COX18: variants seen among roughly 807,000 people sequenced by gnomAD.
The protein encoded by COX18 is cytochrome c oxidase assembly protein COX18, mitochondrial.
COX18 carries 45 observed loss-of-function variants against 38.0 expected under a neutral mutation model. The ratio of observed to expected loss-of-function variants is 1.18; its 90% CI spans 0.93 to 1.52. COX18 has a LOEUF of 1.52. COX18 is among the 40% of genes most tolerant of loss of function. The pLI is 0.00. For missense variants in COX18, 462 were observed against 423.8 expected (o/e 1.09, Z -0.79); for synonymous variants, 177 against 169.8 (o/e 1.04, Z -0.33).
At chr4:73,062,743 G>T (rs944962089) in intron 4 of COX18, among the ~76,000 whole-genome samples, 1 of 151,896 alleles carries the variant, frequency 6.6e-6, no homozygotes, top group Non-Finnish European at 1.5e-5. Context: ...AGGCTGAGGT[G>T]GGAGGATCGC....
rs1207921461 is a variant in COX18, at chr4:73,057,167, C to A, written c.*947G>T. On this transcript the variant is annotated 3_prime_UTR_variant, in exon 6 of 6. Coordinates refer to ENST00000507544, the MANE Select transcript of COX18 (RefSeq NM_001297732.2). ...AAATGCTGGGTGAGGTGGCTCATGC[C>A]TGTAATCCCAGCACTATGGGAGGCC... 1.3e-5 allele frequency: 2 copies of A among 150,826 alleles called. No homozygotes were observed. Among genetic ancestry groups the A allele is most frequent in the Non-Finnish European group, 2.9e-5 (2 of 67,970 alleles). The allele number at this position is 150,826 out of a possible 1,614,324, so 9.3% of individuals were successfully genotyped here. A position where few individuals can be genotyped will look rare whatever the true frequency, so the allele number is the denominator to read the frequency against.
rs772329011 is a variant in COX18, at chr4:73,055,100, C to A, written c.*3014G>T. The A allele has an allele frequency of 3.9e-4, 60 of 152,204 alleles. No individual in the cohort carries two copies. The highest frequency in any genetic ancestry group is 1.4e-3 in the African/African-American group (57 of 41,444). The allele number at this position is 152,204 out of a possible 1,614,324, so 9.4% of individuals were successfully genotyped here. A position where few individuals can be genotyped will look rare whatever the true frequency, so the allele number is the denominator to read the frequency against. ...GAGTGTACTCACTCAGTAACACACA[C>A]GGCAAAGGCCATTATGAGAAAAATA... On this transcript the variant is annotated 3_prime_UTR_variant, in exon 6 of 6. Transcript: ENST00000507544.
rs1719899426 is a variant in COX18, at chr4:73,056,701, C to G, written c.*1413G>C. The G allele has an allele frequency of 6.6e-6, 1 of 152,064 alleles. No homozygotes were observed. Among genetic ancestry groups the G allele is most frequent in the East Asian group, 1.9e-4 (1 of 5,190 alleles). The allele number at this position is 152,064 out of a possible 1,614,324, so 9.4% of individuals were successfully genotyped here. On this transcript the variant is annotated 3_prime_UTR_variant, in exon 6 of 6. Coordinates refer to ENST00000507544, the MANE Select transcript of COX18 (RefSeq NM_001297732.2). ...TATTAACTAGGAATTGCCAGAAAATCTTCCTGGTAACAAGGAAGTCCCCGT... is the reference window on the plus strand; with the variant it reads ...TATTAACTAGGAATTGCCAGAAAATGTTCCTGGTAACAAGGAAGTCCCCGT...
chr4:73,061,867 G>A lies in COX18; in HGVS notation c.777C>T (p.Tyr259=). 1 of 1,613,846 alleles carries A rather than the reference G, an allele frequency of 6.2e-7. No homozygotes were observed. The highest frequency in any genetic ancestry group is 1.1e-5 in the South Asian group (1 of 91,058). ...GMSRFQTYIT[Y]FVRAMSVLMI... ...TCAACACCGACATTGCACGGACAAA[G>A]TACGTAATATACGTCTGAAAACGAG... The change falls in exon 5 of 6, where the codon TAC becomes TAT. Residue 259 remains tyrosine (Y), a synonymous_variant. Transcript: ENST00000507544.
At chr4:73,063,909 C>CA (rs1720301254) in intron 4 of COX18, among the ~76,000 whole-genome samples, 1 of 152,202 alleles carries the variant, frequency 6.6e-6, no homozygotes, top group African/African-American at 2.4e-5. Context: ...CTGTTCTACT[C>CA]AGAGTCTGAG....
intron 2 of COX18, 26 bp downstream of exon 2, chr4:73,068,003 G>A (rs767245122): frequency 2.2e-5 from 31 of 1,409,656 alleles, no homozygotes; most frequent in Non-Finnish European, 3.0e-5. Context: ...TGTGCGTATG[G>A]TCTTACGTGG....
intron 5 of COX18, among the ~76,000 whole-genome samples, chr4:73,060,302 T>A (rs1720088043): frequency 6.6e-6 from 1 of 152,226 alleles, no homozygotes; most frequent in Admixed American, 6.5e-5. Flanking sequence ...ACTGCTCGTA[T>A]TTTATTTTAT....
chr4:73,065,258 T>C lies in COX18; in HGVS notation c.590A>G (p.His197Arg). 1 of 1,612,080 alleles carries C rather than the reference T, an allele frequency of 6.2e-7. No homozygotes were observed. The highest frequency in any genetic ancestry group is 8.5e-7 in the Non-Finnish European group (1 of 1,179,162). The change falls in exon 3 of 6, where the codon CAT (histidine) becomes CGT (arginine). Residue 197 changes from histidine (H) to arginine (R), a missense_variant. His to Arg is a conservative substitution (Grantham distance 29). Coordinates refer to ENST00000507544, the MANE Select transcript of COX18 (RefSeq NM_001297732.2). ...ALRNLSTGAA[H>R]SEAGFSVQEQ... is the part of the protein sequence containing the mutation. ...AGACATACAATAATTACCTTCTGAATGTGCTGCCCCCGTGCTTAAATTCCG... is the reference window on the plus strand; with the variant it reads ...AGACATACAATAATTACCTTCTGAACGTGCTGCCCCCGTGCTTAAATTCCG...
At chr4:73,060,158 A>G (rs1199117339) in intron 5 of COX18, among the ~76,000 whole-genome samples, 1 of 152,220 alleles carries the variant, frequency 6.6e-6, no homozygotes, top group African/African-American at 2.4e-5. Context: ...TCTCATCTTC[A>G]TGGACTTGTC....
At chr4:73,059,750 G>GTT (rs1720058022) in intron 5 of COX18, among the ~76,000 whole-genome samples, 1 of 152,138 alleles carries the variant, frequency 6.6e-6, no homozygotes, top group Non-Finnish European at 1.5e-5. Context: ...CAAAGTCAGT[G>GTT]TTAAATAAAT....
chr4:73,054,094 G>C lies in COX18; in HGVS notation c.*4020C>G, dbSNP rs1382452738. ...GAGAAGGGTGGGTAACACCCCTGTG[G>C]GGAAGGGTAACACAAACATTACAGT... On this transcript the variant is annotated 3_prime_UTR_variant, in exon 6 of 6. Transcript: ENST00000507544. The C allele has an allele frequency of 2.0e-5, 3 of 151,976 alleles. No individual in the cohort carries two copies. The highest frequency in any genetic ancestry group is 4.4e-5 in the Non-Finnish European group (3 of 68,026). 9.4% of individuals were successfully genotyped at this position (151,976 alleles called of 1,614,324 possible).
intron 2 of COX18, among the ~76,000 whole-genome samples, chr4:73,066,488 G>T (rs943043311): frequency 3.3e-5 from 5 of 152,090 alleles, no homozygotes; most frequent in Non-Finnish European, 4.4e-5. Flanking sequence ...AGGAGTTTGA[G>T]ATCAGCCTGC....
Position 73,069,646 on chromosome 4 carries a change from G to C in COX18, c.4C>G (p.Leu2Val), listed in dbSNP as rs761373519. 1 of 1,548,476 alleles carries C rather than the reference G, an allele frequency of 6.5e-7. No individual in the cohort carries two copies. The highest frequency in any genetic ancestry group is 2.4e-5 in the East Asian group (1 of 42,092). M[L>V]CRLGGRWLRP... ...AGCCACCGACCGCCGAGCCGGCACA[G>C]CATTTCTGCACCACGGCGGAGCCCA... The change falls in exon 1 of 6, where the codon CTG (leucine) becomes GTG (valine). Residue 2 changes from leucine to valine, a missense_variant. By Grantham distance (32) the Leu-to-Val change is conservative (BLOSUM62 1). Coordinates refer to ENST00000507544, the MANE Select transcript of COX18 (RefSeq NM_001297732.2).
intron 5 of COX18, among the ~76,000 whole-genome samples, chr4:73,058,818 T>C (rs989310131): frequency 3.9e-5 from 6 of 152,214 alleles, no homozygotes; most frequent in African/African-American, 1.4e-4. Context: ...TTCTTTTGTA[T>C]TACCATCTTG....
intron 2 of COX18, among the ~76,000 whole-genome samples, chr4:73,066,555 G>C (rs1295549861): frequency 6.6e-6 from 1 of 152,106 alleles, no homozygotes; most frequent in African/African-American, 2.4e-5. Flanking sequence ...GAAAAGAAAA[G>C]AAAATGCCAG....
chr4:73,069,362 A>C lies in COX18; in HGVS notation c.288T>G (p.Ala96=), dbSNP rs1384933567. The change falls in exon 1 of 6, where the codon GCT becomes GCG. Residue 96 remains alanine, a synonymous_variant. Coordinates refer to ENST00000507544, the MANE Select transcript of COX18 (RefSeq NM_001297732.2). The part of the protein sequence containing the change: ...ILLSTVALRG[A]VTLPLAAYQH... Reference sequence around the variant, plus strand: ...GGTAGGCTGCCAAAGGCAGCGTGACAGCACCCCGTAAGGCCACGGTGGAGA... The same window carrying C: ...GGTAGGCTGCCAAAGGCAGCGTGACCGCACCCCGTAAGGCCACGGTGGAGA... 4.5e-6 allele frequency: 7 copies of C among 1,555,772 alleles called. No homozygotes were observed. Among genetic ancestry groups the C allele is most frequent in the Non-Finnish European group, 5.2e-6 (6 of 1,150,770 alleles).
chr4:73,067,841 C>CA (rs1553907450), intron 2 of COX18, among the ~76,000 whole-genome samples, 188 bp downstream of exon 2: 26 of 1,996 alleles, frequency 0.013, 4 homozygotes, highest in African/African-American at 0.028. Flanking sequence ...AACTCCGTCT[C>CA]AAAAAAAAAA....
rs539518934 is a variant in COX18 at position 73,055,055 on chromosome 4, C to G, written c.*3059G>C. The G allele has an allele frequency of 5.9e-5, 9 of 152,294 alleles. No individual in the cohort carries two copies. The highest frequency in any genetic ancestry group is 2.0e-4 in the Admixed American group (3 of 15,296). The allele number at this position is 152,294 out of a possible 1,614,324, so 9.4% of individuals were successfully genotyped here. A position where few individuals can be genotyped will look rare whatever the true frequency, so the allele number is the denominator to read the frequency against. On this transcript the variant is annotated 3_prime_UTR_variant, in exon 6 of 6. Transcript: ENST00000507544. ...GAAAAGGAGACTGATTTCCCTCATG[C>G]CATTATGAGAAAAATATCTGAGTGT...
Position 73,052,778 on chromosome 4 carries a change from T to C in COX18, c.*5336A>G, listed in dbSNP as rs1430878754. The C allele has an allele frequency of 6.6e-6, 1 of 152,196 alleles. No individual in the cohort carries two copies. Among genetic ancestry groups the C allele is most frequent in the South Asian group, 2.1e-4 (1 of 4,832 alleles). 9.4% of individuals were successfully genotyped at this position (152,196 alleles called of 1,614,324 possible). A position where few individuals can be genotyped will look rare whatever the true frequency, so the allele number is the denominator to read the frequency against. ...ATCTAAATTCTTGCATGGTTTCAGA[T>C]GTTATGCCTGAAATTCCAAAGTCTG... On this transcript the variant is annotated 3_prime_UTR_variant, in exon 6 of 6. Coordinates refer to ENST00000507544, the MANE Select transcript of COX18 (RefSeq NM_001297732.2).
Sources: gnomAD v4.1 joint callset for allele counts (sites outside exome capture counted in the v4.1 genomes callset) on GRCh38, gnomAD v4.1.1 for gene constraint, MANE v1.5 for transcripts, NCBI Gene and HGNC (gene_info 2026-07-23, HGNC 2026-07-21) for gene names.